Variants in RGS17 observed in about 807,000 individuals in gnomAD.
RGS17 encodes regulator of G-protein signaling 17.
In RGS17, 12 loss-of-function variants were observed where a neutral mutation model predicts 25.5. The observed-to-expected ratio is 0.47, with a 90% CI of 0.30 to 0.76. The LOEUF is 0.76. Among genes scored for constraint, RGS17 ranks in the 30% least tolerant of loss-of-function variants. The pLI is 0.07. For synonymous variants in RGS17, 71 were observed against 76.9 expected (o/e 0.92, Z 0.40); for missense variants, 196 against 242.2 (o/e 0.81, Z 1.27).
chr6:153,016,963 G>A (rs1779191405), intron 4 of RGS17, among the ~76,000 whole-genome samples: 3 of 152,302 alleles, frequency 2.0e-5, no homozygotes, highest in East Asian at 1.9e-4. Context: ...TTGCATGAGG[G>A]ACTGAGGAAT....
At chr6:153,032,934 A>T (rs898012169) in intron 2 of RGS17, among the ~76,000 whole-genome samples, 3 of 152,222 alleles carry the variant, frequency 2.0e-5, no homozygotes, top group Non-Finnish European at 4.4e-5. Flanking sequence ...AGAACAAATA[A>T]ATTAGAAAAG....
At chr6:153,028,150 A>G (rs1452425489) in intron 2 of RGS17, among the ~76,000 whole-genome samples, 1 of 152,234 alleles carries the variant, frequency 6.6e-6, no homozygotes, top group Non-Finnish European at 1.5e-5. Flanking sequence ...GGAAAAGGAC[A>G]TAGAAAACAT....
intron 1 of RGS17, among the ~76,000 whole-genome samples, chr6:153,085,562 A>G (rs1006210933): frequency 1.3e-5 from 2 of 152,222 alleles, no homozygotes; most frequent in Non-Finnish European, 1.5e-5. Flanking sequence ...GAATAAGGGA[A>G]GCAGTGCATT....
At chr6:153,078,298 T>G (rs1029227818) in intron 1 of RGS17, among the ~76,000 whole-genome samples, 11 of 152,222 alleles carry the variant, frequency 7.2e-5, no homozygotes, top group African/African-American at 2.7e-4. Context: ...AGAATCACTT[T>G]GTCAATTTCT....
At chr6:153,066,914 C>T in intron 1 of RGS17, among the ~76,000 whole-genome samples, 1 of 151,970 alleles carries the variant, frequency 6.6e-6, no homozygotes, top group East Asian at 1.9e-4. Flanking sequence ...GTGGTGGGCA[C>T]CTGTAGTCCC....
intron 1 of RGS17, among the ~76,000 whole-genome samples, chr6:153,082,410 G>A (rs1039855627): frequency 6.6e-6 from 1 of 151,964 alleles, no homozygotes; most frequent in African/African-American, 2.4e-5. Context: ...TCCTCTCTGT[G>A]TCTTAAGCTG....
intron 1 of RGS17, among the ~76,000 whole-genome samples, chr6:153,056,444 A>G (rs1350249400): frequency 5.3e-5 from 8 of 152,070 alleles, no homozygotes; most frequent in African/African-American, 1.9e-4. Context: ...CAATAGAAAG[A>G]CTCTTTATTC....
In RGS17 at chr6:153,100,185, G is replaced by A. The variant is rs183331594; in HGVS notation, c.-26+30939C>T. 5.9e-5 allele frequency among the ~76,000 whole-genome samples: 9 copies of A among 152,248 alleles called. 1 individual carries two copies. The highest frequency in any genetic ancestry group is 5.9e-4 in the Admixed American group (9 of 15,278). On this transcript the variant is annotated intron_variant, in intron 1 of 4. Transcript: ENST00000206262. ...CAAATTTTATATGAGGCTAATATCA[G>A]GCAATTTATGTAGTTAAAGACCAAA...
intron 4 of RGS17, among the ~76,000 whole-genome samples, chr6:153,015,942 C>A (rs891544154): frequency 3.9e-5 from 6 of 152,112 alleles, no homozygotes; most frequent in South Asian, 2.1e-4. Flanking sequence ...TGTGAGCCAC[C>A]GCGCCCAGCC....
intron 1 of RGS17, among the ~76,000 whole-genome samples, chr6:153,117,836 G>T (rs1365907145): frequency 6.6e-6 from 1 of 152,126 alleles, no homozygotes; most frequent in Non-Finnish European, 1.5e-5. Context: ...CACTGGCACT[G>T]CTTGGTGTAC....
chr6:153,092,967 G>T (rs1021968968), intron 1 of RGS17, among the ~76,000 whole-genome samples: 1 of 152,062 alleles, frequency 6.6e-6, no homozygotes, highest in Admixed American at 6.5e-5. Flanking sequence ...CAATTTCCAC[G>T]CTTCCTCTAT....
At chr6:153,021,052 T>A (rs1303708678) in intron 4 of RGS17, among the ~76,000 whole-genome samples, 1 of 151,948 alleles carries the variant, frequency 6.6e-6, no homozygotes. Context: ...ACAGACCTTT[T>A]CAATAGCTTC....
chr6:153,098,129 G>A (rs1396141400), intron 1 of RGS17, among the ~76,000 whole-genome samples: 1 of 152,128 alleles, frequency 6.6e-6, no homozygotes, highest in African/African-American at 2.4e-5. Flanking sequence ...GAGGGTGGAT[G>A]TACAGTGATT....
chr6:153,096,550 C>T (rs1777216380), intron 1 of RGS17, among the ~76,000 whole-genome samples: 1 of 152,116 alleles, frequency 6.6e-6, no homozygotes, highest in African/African-American at 2.4e-5. Flanking sequence ...TTTCACTTTT[C>T]TGTAACAGGC....
At chr6:153,023,292 G>T in intron 4 of RGS17, 1 of 447,844 alleles carries the variant, frequency 2.2e-6, no homozygotes, top group Non-Finnish European at 4.6e-6. Flanking sequence ...CAAGAGAGGG[G>T]CATGCCATTT....
Position 153,054,033 on chromosome 6 carries a change from AC to A in RGS17, c.-25-9991del, listed in dbSNP as rs1166779578. ...ACGTATATATGTATATAATATATAT[AC>A]ATATATATGTATATATGTATATAAT... On this transcript the variant is annotated intron_variant, in intron 1 of 4. Transcript: ENST00000206262. 3.3e-4 allele frequency among the ~76,000 whole-genome samples: 16 copies of A among 49,106 alleles called. 1 individual carries two copies. The highest frequency in any genetic ancestry group is 5.6e-4 in the Non-Finnish European group (14 of 24,830). 32.2% of individuals were successfully genotyped at this position (49,106 alleles called of 152,430 possible). A position where few individuals can be genotyped will look rare whatever the true frequency, so the allele number is the denominator to read the frequency against.
At chr6:153,099,562 C>T (rs1467995630) in intron 1 of RGS17, among the ~76,000 whole-genome samples, 1 of 152,088 alleles carries the variant, frequency 6.6e-6, no homozygotes, top group Non-Finnish European at 1.5e-5. Flanking sequence ...TTTGTCCATA[C>T]CAAGTTTCTC....
intron 1 of RGS17, among the ~76,000 whole-genome samples, chr6:153,089,892 AT>A (rs913675604): frequency 2.0e-5 from 3 of 152,096 alleles, no homozygotes; most frequent in South Asian, 2.1e-4. Context: ...TGTTATGAAT[AT>A]TTTTTTCCAC....
At chr6:153,111,868 A>G (rs1006620827) in intron 1 of RGS17, among the ~76,000 whole-genome samples, 4 of 152,224 alleles carry the variant, frequency 2.6e-5, no homozygotes, top group East Asian at 1.9e-4. Context: ...CAAAACTAGC[A>G]AACAGAAAGG....
Sources: allele counts gnomAD v4.1 joint callset (sites outside exome capture counted in the v4.1 genomes callset), GRCh38; gene constraint gnomAD v4.1.1; transcripts MANE v1.5; gene names NCBI Gene and HGNC (gene_info 2026-07-23, HGNC 2026-07-21).